Variants in CORO7 observed in about 807,000 individuals in gnomAD.
CORO7 encodes coronin-7.
A neutral mutation model predicts 126.6 loss-of-function variants in CORO7; 107 were observed. The ratio of observed to expected loss-of-function variants is 0.85; its 90% CI spans 0.72 to 0.99. CORO7 has a LOEUF of 0.99. Among genes scored for constraint, CORO7 ranks in the 50% least tolerant of loss-of-function variants. The pLI, the probability that CORO7 is intolerant of heterozygous loss-of-function variation, is 0.00. For missense variants in CORO7, 1,314 were observed against 1,255.8 expected, an observed-to-expected ratio of 1.05 and a Z score of -0.70; for synonymous variants, 603 against 536.8, an observed-to-expected ratio of 1.12 and a Z score of -1.70.
chr16:4,389,766 G>A (rs964827380), intron 7 of CORO7, among the ~76,000 whole-genome samples: 3 of 152,246 alleles, frequency 2.0e-5, no homozygotes, highest in Non-Finnish European at 2.9e-5. Context: ...CACCCGGAGA[G>A]GGTCACAGTG....
chr16:4,413,603 T>C, intron 1 of CORO7, 199 bp from the exon 2 acceptor site: 1 of 487,040 alleles, frequency 2.1e-6, no homozygotes, highest in Non-Finnish European at 3.6e-6. Context: ...AGTGGCGCGA[T>C]CTTGGATCAC....
intron 3 of CORO7, among the ~76,000 whole-genome samples, chr16:4,409,023 G>A (rs1357541533): frequency 1.3e-5 from 2 of 152,114 alleles, no homozygotes; most frequent in Non-Finnish European, 2.9e-5. Flanking sequence ...GGTAGGTGGG[G>A]TGCACAGAGT....
chr16:4,361,021 G>C lies in CORO7; in HGVS notation c.1839C>G (p.Ser613=), dbSNP rs2054160377. ...AGATGCGAACAGTGAGGTCATAGGAGGACGAGGCCAGCACATTGGCTGCCA... is the reference window on the plus strand; with the variant it reads ...AGATGCGAACAGTGAGGTCATAGGACGACGAGGCCAGCACATTGGCTGCCA... ...HPLAANVLAS[S]SYDLTVRIWD... The change falls in exon 19 of 28, where the codon TCC becomes TCG. Residue 613 remains serine, a synonymous_variant. Transcript: ENST00000251166. 3 of 1,613,340 alleles carry C rather than the reference G, an allele frequency of 1.9e-6. No homozygotes were observed. The highest frequency in any genetic ancestry group is 1.3e-5 in the African/African-American group (1 of 75,056).
intron 9 of CORO7, among the ~76,000 whole-genome samples, chr16:4,370,563 G>A (rs1479429319): frequency 6.6e-6 from 1 of 152,214 alleles, no homozygotes; most frequent in Non-Finnish European, 1.5e-5. Flanking sequence ...ACAGAGGTCC[G>A]CAAGCCATGC....
chr16:4,387,980 T>C lies in CORO7; in HGVS notation c.785+6A>G. 6.2e-7 allele frequency: 1 copy of C among 1,612,834 alleles called. No individual in the cohort carries two copies. Among genetic ancestry groups the C allele is most frequent in the Non-Finnish European group, 8.5e-7 (1 of 1,179,808 alleles). ...CCCCAGCCCACCTGCGTGCCGCAGC[T>C]CCTACCCAAGCGAGGTGTCCAAGGT... is the stretch of plus-strand genomic sequence containing the variant. On this transcript the variant is annotated splice_donor_region_variant and intron_variant, in intron 9 of 27. Transcript: ENST00000251166.
chr16:4,402,001 T>C (rs775247721), intron 6 of CORO7, among the ~76,000 whole-genome samples: 2 of 147,748 alleles, frequency 1.4e-5, no homozygotes, highest in African/African-American at 5.0e-5. Flanking sequence ...TGCAATGGTG[T>C]GATCTCGGCT....
At position 4,361,366 on chromosome 16, in the gene CORO7, G is replaced by C; in HGVS notation, c.1682C>G (p.Ala561Gly). Residue 561 changes from alanine to glycine, a missense_variant, in exon 17 of 28, where the codon GCT becomes GGT. Transcript: ENST00000251166. ...AWDPFDPHRL[A>G]VAGEDARIRL... ...CAGGCACCCAGCCTCCTTACCCACA[G>C]CGAGGCGATGGGGGTCAAAGGGGTC... The C allele has an allele frequency of 6.2e-7, 1 of 1,612,132 alleles. No individual in the cohort carries two copies. The highest frequency in any genetic ancestry group is 8.5e-7 in the Non-Finnish European group (1 of 1,179,526).
intron 5 of CORO7, among the ~76,000 whole-genome samples, chr16:4,406,252 G>A (rs867090733): frequency 9.2e-5 from 14 of 152,020 alleles, no homozygotes; most frequent in South Asian, 2.1e-4. Flanking sequence ...CGCCCACCTC[G>A]GCCTCCCAAA....
chr16:4,370,877 G>C (rs1051889579), intron 9 of CORO7, among the ~76,000 whole-genome samples: 3 of 152,266 alleles, frequency 2.0e-5, no homozygotes, highest in Non-Finnish European at 2.9e-5. Flanking sequence ...GCTGGAGGGG[G>C]TGTGGGTGTC....
chr16:4,392,807 A>C (rs913310152), intron 7 of CORO7, among the ~76,000 whole-genome samples: 4 of 152,296 alleles, frequency 2.6e-5, no homozygotes, highest in African/African-American at 9.6e-5. Context: ...GGGCAGGGCC[A>C]CACGGAGAGC....
chr16:4,377,299 C>T (rs2141232602), intron 9 of CORO7, among the ~76,000 whole-genome samples: 1 of 151,030 alleles, frequency 6.6e-6, no homozygotes, highest in South Asian at 2.1e-4. Context: ...GGTCTCACCT[C>T]CCTGCCTGAC....
At chr16:4,404,443 C>A (rs74003295) in intron 6 of CORO7, among the ~76,000 whole-genome samples, 220 of 152,288 alleles carry the variant, frequency 1.4e-3, no homozygotes, top group African/African-American at 5.0e-3. Flanking sequence ...TCTTCTCATC[C>A]CCTCCTGGGG....
chr16:4,409,217 G>A (rs917544170), intron 3 of CORO7, among the ~76,000 whole-genome samples: 1 of 152,238 alleles, frequency 6.6e-6, no homozygotes, highest in Non-Finnish European at 1.5e-5. Flanking sequence ...CCGGCCTCAG[G>A]AGACAGGGAA....
At position 4,359,521 on chromosome 16, in the gene CORO7, T is replaced by G; in HGVS notation, c.2209A>C (p.Ser737Arg). ...LDVAPSTLLP[S>R]YDPDTGLVLL... is the part of the protein sequence containing the mutation. ...ACCAGGCCAGTGTCTGGGTCGTAGC[T>G]GGGCAGCAGGGTTGAGGGAGCCACG... is the stretch of plus-strand genomic sequence containing the variant. The change falls in exon 22 of 28, where the codon AGC becomes CGC. Residue 737 changes from serine (S) to arginine (R), a missense_variant. Ser to Arg is a moderately radical substitution (Grantham distance 110, BLOSUM62 -1). Transcript: ENST00000251166. 1 of 1,613,412 alleles carries G rather than the reference T, an allele frequency of 6.2e-7. No homozygotes were observed. The highest frequency in any genetic ancestry group is 8.5e-7 in the Non-Finnish European group (1 of 1,179,954).
chr16:4,413,240 C>T (rs2056280237), intron 2 of CORO7, 68 bp downstream of exon 2: 2 of 1,479,862 alleles, frequency 1.4e-6, no homozygotes, highest in Admixed American at 2.1e-5. Context: ...GCCCCTGCTC[C>T]CCACCCCATC....
intron 6 of CORO7, among the ~76,000 whole-genome samples, chr16:4,404,676 G>C (rs1357761703): frequency 3.3e-5 from 5 of 151,908 alleles, no homozygotes; most frequent in African/African-American, 1.2e-4. Flanking sequence ...CCAGTGACAG[G>C]CCTCTCCTAC....
intron 3 of CORO7, among the ~76,000 whole-genome samples, chr16:4,412,092 C>T (rs1292951395): frequency 6.6e-6 from 1 of 151,986 alleles, no homozygotes; most frequent in Non-Finnish European, 1.5e-5. Context: ...CAGCATCAGC[C>T]TGGAGCCTGG....
intron 25 of CORO7, chr16:4,357,641 C>T: frequency 2.7e-6 from 1 of 369,528 alleles, no homozygotes; most frequent in Non-Finnish European, 4.8e-6. Flanking sequence ...CAGGCATGAG[C>T]CACCGCGCCT....
chr16:4,373,574 G>A lies in CORO7; in HGVS notation c.786-8029C>T, dbSNP rs749096813. ...TACCCGAGGAAGGCCCCTCTGGCAC[G>A]CAGCCCAGGGGCCAGGGAGATGGCA... On this transcript the variant is annotated intron_variant, in intron 9 of 27. Coordinates refer to ENST00000251166, the MANE Select transcript of CORO7 (RefSeq NM_024535.5). 5.9e-4 allele frequency among the ~76,000 whole-genome samples: 90 copies of A among 152,146 alleles called. 1 individual carries two copies. Among genetic ancestry groups the A allele is most frequent in the Non-Finnish European group, 1.0e-3 (68 of 67,998 alleles).
Sources: gnomAD v4.1 joint callset for allele counts (sites outside exome capture counted in the v4.1 genomes callset) on GRCh38, gnomAD v4.1.1 for gene constraint, MANE v1.5 for transcripts, NCBI Gene and HGNC (gene_info 2026-07-23, HGNC 2026-07-21) for gene names.